The following ESRRG variants were observed in gnomAD, a reference collection of about 807,000 sequenced individuals.
ESRRG encodes the protein estrogen related receptor gamma.
Under a neutral mutation model 44.0 loss-of-function variants are expected in ESRRG, and 13 were observed. That is an observed-to-expected ratio of 0.30 (90% CI 0.19 to 0.47). The LOEUF (loss-of-function observed/expected upper bound fraction) is 0.47. ESRRG is among the 20% of genes least tolerant of loss of function. ESRRG has a pLI of 1.00. For missense variants in ESRRG, 395 were observed against 580.6 expected (o/e 0.68, Z 3.29); for synonymous variants, 215 against 214.6 (o/e 1.00, Z -0.02).
intron 3 of ESRRG, among the ~76,000 whole-genome samples, chr1:216,568,567 G>C (rs1229285767): frequency 2.6e-5 from 4 of 152,202 alleles, no homozygotes; most frequent in African/African-American, 9.6e-5. Context: ...TGAATAAAGA[G>C]CACCTATGTG....
At chr1:216,861,446 C>T (rs1253048389) in intron 2 of ESRRG, among the ~76,000 whole-genome samples, 3 of 151,950 alleles carry the variant, frequency 2.0e-5, no homozygotes, top group Non-Finnish European at 4.4e-5. Flanking sequence ...GATCATTACA[C>T]ATTGTATACA....
intron 3 of ESRRG, among the ~76,000 whole-genome samples, chr1:216,592,119 A>G (rs11117630): frequency 0.15 from 22,370 of 152,250 alleles, 2,172 homozygotes; most frequent in Non-Finnish European, 0.21. Context: ...AAGAAACACC[A>G]TAATAGCCCA....
At chr1:217,098,850 C>T (rs903651558) in intron 1 of ESRRG, among the ~76,000 whole-genome samples, 3 of 152,118 alleles carry the variant, frequency 2.0e-5, no homozygotes, top group Admixed American at 6.6e-5. Flanking sequence ...ATATATGTTG[C>T]CATGGTTTTC....
intron 2 of ESRRG, among the ~76,000 whole-genome samples, chr1:216,801,895 T>C (rs1240790244): frequency 6.6e-6 from 1 of 152,118 alleles, no homozygotes; most frequent in Admixed American, 6.6e-5. Context: ...CTGGTTCCTA[T>C]TGCATACATT....
chr1:216,871,532 T>A (rs2096259792), intron 2 of ESRRG, among the ~76,000 whole-genome samples: 1 of 152,020 alleles, frequency 6.6e-6, no homozygotes, highest in Non-Finnish European at 1.5e-5. Context: ...TCTTGATGAT[T>A]TTTTTCTCTC....
In ESRRG at chr1:216,515,232, A is replaced by G. The variant is rs551040066; in HGVS notation, c.1132+3920T>C. Among the ~76,000 whole-genome samples the G allele has an allele frequency of 6.5e-4, 99 of 152,084 alleles. 1 individual carries two copies. Among genetic ancestry groups the G allele is most frequent in the South Asian group, 6.2e-4 (3 of 4,824 alleles). Reference sequence around the variant, plus strand: ...TTTAGGTAAAATGCGTATATATAATATAATATATATATGCATGGATGTGTG... The same window carrying G: ...TTTAGGTAAAATGCGTATATATAATGTAATATATATATGCATGGATGTGTG... On this transcript the variant is annotated intron_variant, in intron 6 of 6. Coordinates refer to ENST00000408911, the MANE Select transcript of ESRRG (RefSeq NM_001438.4).
intron 1 of ESRRG, among the ~76,000 whole-genome samples, chr1:216,722,265 A>G (rs551154731): frequency 6.6e-6 from 1 of 152,344 alleles, no homozygotes; most frequent in East Asian, 1.9e-4. Flanking sequence ...GCAAAGCAAT[A>G]TAACTGACTC....
rs71585811 is a variant in ESRRG, at chr1:217,088,398, C to CTTTTTT, written c.-106+1103_-106+1108dup. 7.5e-4 allele frequency among the ~76,000 whole-genome samples: 45 copies of CTTTTTT among 59,732 alleles called. 3 individuals carry two copies. The highest frequency in any genetic ancestry group is 1.8e-3 in the South Asian group (2 of 1,106). 39.2% of individuals were successfully genotyped at this position (59,732 alleles called of 152,430 possible). A position where few individuals can be genotyped will look rare whatever the true frequency, so the allele number is the denominator to read the frequency against. ...TGCTGAGAATTTCTTTTTTTCCTGT[C>CTTTTTT]TTTTTTTTTTTTTTTTTTTTTTTTT... On this transcript the variant is annotated intron_variant, in intron 1 of 7. Transcript: ENST00000359162.
intron 1 of ESRRG, among the ~76,000 whole-genome samples, chr1:217,054,590 G>A (rs1457701964): frequency 1.3e-5 from 2 of 152,106 alleles, no homozygotes; most frequent in Non-Finnish European, 2.9e-5. Context: ...GTCTCCCTTC[G>A]AGGAGGTTGC....
chr1:216,568,921 G>T (rs1558548638), intron 3 of ESRRG, among the ~76,000 whole-genome samples: 2 of 151,954 alleles, frequency 1.3e-5, no homozygotes, highest in East Asian at 1.9e-4. Context: ...AGGCGTGGTG[G>T]TGCATGCCTG....
chr1:217,109,408 C>T (rs1157285274), intron 1 of ESRRG, among the ~76,000 whole-genome samples: 1 of 152,050 alleles, frequency 6.6e-6, no homozygotes, highest in Non-Finnish European at 1.5e-5. Context: ...ATCTTTAGCC[C>T]AAGCAAGCAG....
At chr1:216,569,121 A>G in intron 3 of ESRRG, among the ~76,000 whole-genome samples, 1 of 141,958 alleles carries the variant, frequency 7.0e-6, no homozygotes, top group African/African-American at 2.6e-5. Context: ...AGAAGGAAGG[A>G]AGGAAGGAAG....
At chr1:216,744,537 C>T (rs575882609) in intron 2 of ESRRG, among the ~76,000 whole-genome samples, 7 of 152,128 alleles carry the variant, frequency 4.6e-5, no homozygotes, top group East Asian at 3.9e-4. Flanking sequence ...TAAAAGCAAA[C>T]GTCCAACGAT....
At chr1:216,773,975 G>GAGTA (rs2093488458) in intron 2 of ESRRG, among the ~76,000 whole-genome samples, 1 of 152,036 alleles carries the variant, frequency 6.6e-6, no homozygotes, top group Admixed American at 6.6e-5. Context: ...TAATACCTTA[G>GAGTA]AGTATGATCT....
chr1:216,753,175 T>TACACACACACACACACACACACACACAC (rs145640833), intron 2 of ESRRG, among the ~76,000 whole-genome samples: 29 of 149,012 alleles, frequency 1.9e-4, no homozygotes, highest in Admixed American at 9.4e-4. Context: ...TATATATTGA[T>TACACACACACACACACACACACACACAC]ACACACACAC....
intron 5 of ESRRG, among the ~76,000 whole-genome samples, chr1:216,520,534 A>G (rs1168186452): frequency 6.6e-6 from 1 of 152,272 alleles, no homozygotes; most frequent in Middle Eastern, 3.4e-3. Context: ...ATATATATTT[A>G]TATATCAGAG....
intron 1 of ESRRG, among the ~76,000 whole-genome samples, chr1:216,953,623 T>C (rs1276552700): frequency 2.0e-5 from 3 of 152,060 alleles, no homozygotes; most frequent in Non-Finnish European, 1.5e-5. Context: ...TGGTCTTCAG[T>C]TCAGGCCCAT....
intron 2 of ESRRG, among the ~76,000 whole-genome samples, chr1:216,675,481 T>C (rs181766878): frequency 6.6e-6 from 1 of 152,230 alleles, no homozygotes; most frequent in Non-Finnish European, 1.5e-5. Context: ...TTACTTCTTT[T>C]GTACTTTGAA....
chr1:216,751,775 C>G (rs956319986), intron 2 of ESRRG, among the ~76,000 whole-genome samples: 4 of 152,088 alleles, frequency 2.6e-5, no homozygotes, highest in Non-Finnish European at 5.9e-5. Context: ...TTGGTGATAA[C>G]CTTTCTTGTG....
Sources: allele counts gnomAD v4.1 joint callset (sites outside exome capture counted in the v4.1 genomes callset), GRCh38; gene constraint gnomAD v4.1.1; transcripts MANE v1.5; gene names NCBI Gene and HGNC (gene_info 2026-07-23, HGNC 2026-07-21).